The following VANGL1 variants were observed in gnomAD, a reference collection of about 807,000 sequenced individuals.
VANGL1 encodes the protein vang-like protein 1.
In VANGL1, 18 loss-of-function variants were observed where a neutral mutation model predicts 48.4. The observed-to-expected ratio is 0.37, with a 90% CI of 0.26 to 0.55. VANGL1 has a LOEUF of 0.55. Ranked by LOEUF, VANGL1 falls within the 20% of genes least tolerant of loss-of-function variation. VANGL1 has a pLI of 0.81. For missense variants in VANGL1, 667 were observed against 675.8 expected (o/e 0.99, Z 0.14); for synonymous variants, 257 against 261.8 (o/e 0.98, Z 0.18).
chr1:115,684,967 A>G (rs1653538638), intron 6 of VANGL1, among the ~76,000 whole-genome samples: 1 of 152,112 alleles, frequency 6.6e-6, no homozygotes, highest in South Asian at 2.1e-4. Flanking sequence ...AACTCTTTTC[A>G]TCTAACCATT....
At chr1:115,670,613 A>T (rs958930790) in intron 4 of VANGL1, among the ~76,000 whole-genome samples, 1 of 152,196 alleles carries the variant, frequency 6.6e-6, no homozygotes, top group Non-Finnish European at 1.5e-5. Context: ...CATGTCTCTC[A>T]TGCTGGGCCA....
At chr1:115,673,631 A>T (rs1159929833) in intron 4 of VANGL1, among the ~76,000 whole-genome samples, 1 of 102,402 alleles carries the variant, frequency 9.8e-6, no homozygotes, top group Admixed American at 1.4e-4. Flanking sequence ...ACAGAGTCTT[A>T]CTCTTTCGCC....
intron 3 of VANGL1, among the ~76,000 whole-genome samples, chr1:115,660,830 A>G (rs1037644443): frequency 1.3e-5 from 2 of 152,198 alleles, no homozygotes; most frequent in Admixed American, 6.5e-5. Context: ...CAAAACTACA[A>G]TTGTGGGTTG....
chr1:115,672,111 C>A (rs1171649155), intron 4 of VANGL1, among the ~76,000 whole-genome samples: 1 of 152,152 alleles, frequency 6.6e-6, no homozygotes, highest in Non-Finnish European at 1.5e-5. Flanking sequence ...CGGGCATGCT[C>A]TGGGTATAGT....
intron 1 of VANGL1, among the ~76,000 whole-genome samples, chr1:115,644,652 A>G (rs56733696): frequency 0.05 from 7,641 of 152,274 alleles, 254 homozygotes; most frequent in East Asian, 0.11. Flanking sequence ...ACTCTGTACC[A>G]TCAGATTTAC....
intron 2 of VANGL1, among the ~76,000 whole-genome samples, chr1:115,657,791 G>A (rs1251445274): frequency 6.6e-6 from 1 of 152,202 alleles, no homozygotes; most frequent in Admixed American, 6.5e-5. Context: ...GGCTTTACAG[G>A]AAGCATGGTA....
chr1:115,642,917 C>T (rs1485056988), intron 1 of VANGL1, among the ~76,000 whole-genome samples: 1 of 152,200 alleles, frequency 6.6e-6, no homozygotes, highest in African/African-American at 2.4e-5. Context: ...TCCGTGGTGG[C>T]GGCAGCAGTG....
rs201593132 is a variant in VANGL1 at position 115,664,082 on chromosome 1, T to C, written c.626T>C (p.Leu209Ser). The stretch of plus-strand genomic sequence containing the variant: ...TGGCTTTTTTACGGGGTCCGCATTT[T>C]GGACTCTCGGGACCGGAATTACCAG... ...SYWLFYGVRILDSRDRNYQGI... is the reference protein window; with the variant it reads ...SYWLFYGVRISDSRDRNYQGI... The change falls in exon 4 of 8, where the codon TTG (leucine) becomes TCG (serine). Residue 209 changes from leucine (L) to serine (S), a missense_variant. Leu to Ser is a moderately radical substitution (Grantham distance 145). Transcript: ENST00000355485. 1.2e-6 allele frequency: 2 copies of C among 1,614,232 alleles called. No individual in the cohort carries two copies. The highest frequency in any genetic ancestry group is 8.5e-7 in the Non-Finnish European group (1 of 1,180,050).
chr1:115,663,075 G>A (rs767274053), intron 3 of VANGL1, among the ~76,000 whole-genome samples: 22 of 152,168 alleles, frequency 1.4e-4, no homozygotes, highest in East Asian at 1.9e-4. Flanking sequence ...GTGAGCCACC[G>A]CGCCCCAGTC....
intron 7 of VANGL1, among the ~76,000 whole-genome samples, chr1:115,686,067 TCTA>T (rs1653604797): frequency 6.6e-6 from 1 of 152,110 alleles, no homozygotes. Flanking sequence ...GCCAAGCTCA[TCTA>T]CTCTCTACCA....
chr1:115,667,735 A>T (rs1242875486), intron 4 of VANGL1, among the ~76,000 whole-genome samples: 1 of 152,226 alleles, frequency 6.6e-6, no homozygotes, highest in Non-Finnish European at 1.5e-5. Context: ...ATAAGTTGCT[A>T]ACTTTTCCAG....
In VANGL1 at chr1:115,692,631, T is replaced by C. The variant is rs1025537311; in HGVS notation, c.*1252T>C. ...GGGAGCCCATCTTGTCCAGAAAGAT[T>C]CATCTGTGGTCTGTCTGTTAAACAC... On this transcript the variant is annotated 3_prime_UTR_variant, in exon 8 of 8. Coordinates refer to ENST00000355485, the MANE Select transcript of VANGL1 (RefSeq NM_138959.3). The C allele has an allele frequency of 6.5e-6, 1 of 152,684 alleles. No individual in the cohort carries two copies. Among genetic ancestry groups the C allele is most frequent in the African/African-American group, 2.4e-5 (1 of 41,436 alleles). 9.5% of individuals were successfully genotyped at this position (152,684 alleles called of 1,614,324 possible).
At position 115,691,122 on chromosome 1, in the gene VANGL1, T is replaced by C; in HGVS notation, c.1318T>C (p.Phe440Leu). The C allele has an allele frequency of 1.2e-6, 2 of 1,614,160 alleles. No individual in the cohort carries two copies. Among genetic ancestry groups the C allele is most frequent in the African/African-American group, 2.7e-5 (2 of 75,034 alleles). ...CITNGMTPKA[F>L]LERYLSAGPT... ...GGCCTTTCTCCTCTGCTTCCAGGCC[T>C]TCCTAGAACGGTACCTCAGTGCGGG... The change falls in exon 8 of 8, where the codon TTC becomes CTC. Residue 440 changes from phenylalanine to leucine, a missense_variant. Phe to Leu is a conservative substitution (Grantham distance 22, BLOSUM62 0). Transcript: ENST00000355485.
At position 115,696,320 on chromosome 1, in the gene VANGL1, C is replaced by G. The variant is rs1387165379; in HGVS notation, c.*4941C>G. 1 of 152,232 alleles carries G rather than the reference C, an allele frequency of 6.6e-6. No homozygotes were observed. The highest frequency in any genetic ancestry group is 6.5e-5 in the Admixed American group (1 of 15,290). The allele number at this position is 152,232 out of a possible 1,614,324, so 9.4% of individuals were successfully genotyped here. On this transcript the variant is annotated 3_prime_UTR_variant, in exon 8 of 8. Coordinates refer to ENST00000355485, the MANE Select transcript of VANGL1 (RefSeq NM_138959.3). ...CTGTGGGGATCTCAAGCCGGAGTCCCTGGCCTGGCCTCCTTGACGTAGGTG... is the reference window on the plus strand; with the variant it reads ...CTGTGGGGATCTCAAGCCGGAGTCCGTGGCCTGGCCTCCTTGACGTAGGTG...
rs1282459007 is a variant in VANGL1, at chr1:115,654,100, T to G, written c.71+2616T>G. Among the ~76,000 whole-genome samples the G allele has an allele frequency of 2.6e-5, 4 of 152,084 alleles. No homozygotes were observed. The East Asian group carries it at 7.7e-4, about 29-fold the overall frequency. ...CAGGCCCCAGGCCCAGCTAAGGGTA[T>G]TTTGTCCAAGGAGTGTTCCTGTGAA... On this transcript the variant is annotated intron_variant, in intron 2 of 7. Transcript: ENST00000355485.
Position 115,659,621 on chromosome 1 carries a change from A to C in VANGL1, c.72-20A>C, listed in dbSNP as rs773317661. The C allele has an allele frequency of 1.1e-5, 17 of 1,613,868 alleles. No homozygotes were observed. In the African/African-American group the frequency reaches 2.1e-4, roughly 20 times the overall value. ...TTAATTAACATGGCATAAATGTGCT[A>C]GCTCATTGTTGTTTTTCAGGGAAAG... On this transcript the variant is annotated intron_variant, in intron 2 of 7. Transcript: ENST00000355485.
At chr1:115,673,048 A>T (rs1653040627) in intron 4 of VANGL1, among the ~76,000 whole-genome samples, 1 of 152,242 alleles carries the variant, frequency 6.6e-6, no homozygotes, top group Admixed American at 6.5e-5. Context: ...AGCTGAATCA[A>T]CTTGTATTGG....
intron 1 of VANGL1, among the ~76,000 whole-genome samples, chr1:115,644,785 T>A (rs1255615457): frequency 1.3e-5 from 2 of 152,216 alleles, no homozygotes; most frequent in Non-Finnish European, 2.9e-5. Flanking sequence ...TTCACACCTC[T>A]TCAGAAATCT....
Position 115,651,320 on chromosome 1 carries a change from C to G in VANGL1, c.-94C>G, listed in dbSNP as rs1365156841. The G allele has an allele frequency of 9.4e-7, 1 of 1,069,470 alleles. No homozygotes were observed. Among genetic ancestry groups the G allele is most frequent in the African/African-American group, 1.6e-5 (1 of 63,604 alleles). 66.2% of individuals were successfully genotyped at this position (1,069,470 alleles called of 1,614,324 possible). A position where few individuals can be genotyped will look rare whatever the true frequency, so the allele number is the denominator to read the frequency against. On this transcript the variant is annotated 5_prime_UTR_variant, in exon 2 of 8. Transcript: ENST00000355485. ...AGTGGCTCCTCTTCTAATTTCCAGA[C>G]TCCTTGAGGTTTTAGGAGTCTGGTA... is the stretch of plus-strand genomic sequence containing the variant.
Sources: allele counts gnomAD v4.1 joint callset (sites outside exome capture counted in the v4.1 genomes callset), GRCh38; gene constraint gnomAD v4.1.1; transcripts MANE v1.5; gene names NCBI Gene and HGNC (gene_info 2026-07-23, HGNC 2026-07-21).